Variants in ACSS1 observed in about 807,000 individuals in gnomAD.
The protein encoded by ACSS1 is acetyl-coenzyme A synthetase 2-like, mitochondrial.
In ACSS1, 42 loss-of-function variants were observed where a neutral mutation model predicts 75.3. That is an observed-to-expected ratio of 0.56 (90% confidence interval 0.44 to 0.72). The LOEUF is 0.72. ACSS1 is among the 30% of genes least tolerant of loss of function. The pLI, the probability that ACSS1 is intolerant of heterozygous loss-of-function variation, is 0.00. For synonymous variants in ACSS1, 380 were observed against 376.8 expected, an observed-to-expected ratio of 1.01 and a Z score of -0.10; for missense variants, 782 against 935.7, an observed-to-expected ratio of 0.84 and a Z score of 2.14.
At chr20:25,038,104 G>T (rs1338039713) in intron 2 of ACSS1, among the ~76,000 whole-genome samples, 1 of 152,230 alleles carries the variant, frequency 6.6e-6, no homozygotes, top group Non-Finnish European at 1.5e-5. Flanking sequence ...AGGGCCCCCA[G>T]GAGACATGAG....
chr20:25,013,778 G>A (rs1233412952), intron 9 of ACSS1, 116 bp from the exon 10 acceptor site: 3 of 1,443,182 alleles, frequency 2.1e-6, no homozygotes, highest in Non-Finnish European at 2.8e-6. Flanking sequence ...CTGCCCCTGA[G>A]GAGGGCCCCA....
At chr20:25,022,355 C>T (rs2088637641) in intron 5 of ACSS1, among the ~76,000 whole-genome samples, 1 of 150,650 alleles carries the variant, frequency 6.6e-6, no homozygotes. Context: ...AGTGAGACTC[C>T]ATGAAAAAAC....
chr20:25,016,431 T>C (rs978838294), intron 7 of ACSS1, among the ~76,000 whole-genome samples: 1 of 152,242 alleles, frequency 6.6e-6, no homozygotes, highest in Non-Finnish European at 1.5e-5. Context: ...CCTAGGATTC[T>C]CAGTGTCTAC....
At chr20:25,024,924 TAC>T (rs1365675012) in intron 3 of ACSS1, among the ~76,000 whole-genome samples, 2 of 152,144 alleles carry the variant, frequency 1.3e-5, no homozygotes, top group Non-Finnish European at 2.9e-5. Context: ...GAGCCGTGGC[TAC>T]ACACACTCTT....
chr20:25,006,691 G>A lies in ACSS1; in HGVS notation c.*1071C>T, dbSNP rs1048577454. ...AGCAGGGAGGTAAGCACCCACTGGC[G>A]TCGTGATTTCCATTATCTTGCTAAT... On this transcript the variant is annotated 3_prime_UTR_variant, in exon 14 of 14. Transcript: ENST00000323482. 3.2e-5 allele frequency: 33 copies of A among 1,023,080 alleles called. No individual in the cohort carries two copies. The highest frequency in any genetic ancestry group is 1.1e-4 in the Admixed American group (4 of 36,320). The allele number at this position is 1,023,080 out of a possible 1,614,324, so 63.4% of individuals were successfully genotyped here. A position where few individuals can be genotyped will look rare whatever the true frequency, so the allele number is the denominator to read the frequency against.
At chr20:25,050,370 G>A (rs1038293999) in intron 1 of ACSS1, among the ~76,000 whole-genome samples, 63 of 151,934 alleles carry the variant, frequency 4.1e-4, no homozygotes, top group Admixed American at 2.0e-4. Context: ...GCTGAGGATC[G>A]ACACTGTCTG....
chr20:25,033,372 G>A (rs998844267), intron 2 of ACSS1, among the ~76,000 whole-genome samples: 1 of 152,168 alleles, frequency 6.6e-6, no homozygotes, highest in Admixed American at 6.5e-5. Flanking sequence ...GCCTAGACAT[G>A]GGAGCTTATC....
chr20:25,032,572 G>A (rs1175202059), intron 2 of ACSS1: 7 of 1,246,418 alleles, frequency 5.6e-6, no homozygotes, highest in African/African-American at 1.5e-5. Flanking sequence ...TTCTCTCTGG[G>A]CGGGGCAGAC....
intron 2 of ACSS1, among the ~76,000 whole-genome samples, chr20:25,036,032 T>G (rs372853796): frequency 6.6e-6 from 1 of 152,222 alleles, no homozygotes; most frequent in Non-Finnish European, 1.5e-5. Flanking sequence ...GATCCTCTTA[T>G]GTAGCACCCT....
At chr20:25,016,228 G>A (rs145888043) in intron 7 of ACSS1, among the ~76,000 whole-genome samples, 8 of 152,294 alleles carry the variant, frequency 5.3e-5, no homozygotes, top group South Asian at 2.1e-4. Flanking sequence ...GGATCTGTCC[G>A]TGGTGATGCA....
intron 2 of ACSS1, chr20:25,046,414 G>A (rs989314160): frequency 4.7e-5 from 10 of 214,854 alleles, no homozygotes; most frequent in African/African-American, 6.9e-5. Context: ...AGACCGAACC[G>A]CTACTTAGCA....
intron 3 of ACSS1, among the ~76,000 whole-genome samples, chr20:25,029,323 T>G (rs1600327312): frequency 6.6e-6 from 1 of 152,176 alleles, no homozygotes; most frequent in South Asian, 2.1e-4. Context: ...AAAACCACAA[T>G]GAGATACAAC....
chr20:25,018,474 G>A (rs1481388269), intron 7 of ACSS1, among the ~76,000 whole-genome samples: 1 of 152,246 alleles, frequency 6.6e-6, no homozygotes, highest in East Asian at 1.9e-4. Context: ...AGTATGGCAA[G>A]GGACCTGTTG....
chr20:25,046,922 G>T, intron 2 of ACSS1: 1 of 779,550 alleles, frequency 1.3e-6, no homozygotes, highest in Non-Finnish European at 2.4e-6. Flanking sequence ...GGCTGGTGGG[G>T]GAGACGGGTC....
intron 10 of ACSS1, among the ~76,000 whole-genome samples, chr20:25,013,326 G>A (rs531240243): frequency 3.3e-4 from 50 of 152,322 alleles, no homozygotes; most frequent in African/African-American, 1.1e-3. Flanking sequence ...GAAAGTCCCC[G>A]AGTGGGGAAT....
Position 25,030,765 on chromosome 20 carries a change from T to A in ACSS1, c.625A>T (p.Asn209Tyr), listed in dbSNP as rs1283374079. 2 of 1,614,062 alleles carry A rather than the reference T, an allele frequency of 1.2e-6. No individual in the cohort carries two copies. ...FSAESLAGRI[N>Y]DAKCKVVITF... ...CCCATGCCCACCTCCTCACCATCAT[T>A]GATCCTCCCAGCCAAGGACTCTGCA... The change falls in exon 3 of 14, where the codon AAT (asparagine) becomes TAT (tyrosine). Residue 209 changes from asparagine to tyrosine, a missense_variant. By Grantham distance (143) the Asn-to-Tyr change is moderately radical. Around this residue, in one of 2 missense-constraint regions of ACSS1, gnomAD observed 377 missense variants for 383.1 expected, o/e 0.98. Transcript: ENST00000323482.
chr20:25,030,702 C>A (rs2088806719), intron 3 of ACSS1, 57 bp downstream of exon 3: 2 of 1,593,792 alleles, frequency 1.3e-6, no homozygotes, highest in Non-Finnish European at 1.7e-6. Flanking sequence ...GCCAGGCCCC[C>A]AGGAACAAGG....
At chr20:25,041,000 T>G (rs2088992281) in intron 2 of ACSS1, among the ~76,000 whole-genome samples, 1 of 152,268 alleles carries the variant, frequency 6.6e-6, no homozygotes, top group South Asian at 2.1e-4. Flanking sequence ...GGCTCATGCC[T>G]GTAATCCCAG....
At chr20:25,047,284 C>A (rs2089109217) in intron 2 of ACSS1, among the ~76,000 whole-genome samples, 1 of 152,180 alleles carries the variant, frequency 6.6e-6, no homozygotes, top group Non-Finnish European at 1.5e-5. Context: ...GCCACATGCA[C>A]CTTCCCTCTA....
Sources: allele counts gnomAD v4.1 joint callset (sites outside exome capture counted in the v4.1 genomes callset), GRCh38; gene constraint gnomAD v4.1.1; regional missense constraint gnomAD v4.1.1; transcripts MANE v1.5; gene names NCBI Gene and HGNC (gene_info 2026-07-23, HGNC 2026-07-21).